The following NBAS variants were observed in gnomAD, a reference collection of about 807,000 sequenced individuals.
NBAS encodes NAG/BC035112 fusion.
A neutral mutation model predicts 302.5 loss-of-function variants in NBAS; 219 were observed. The ratio of observed to expected loss-of-function variants is 0.72; its 90% CI spans 0.65 to 0.81. The LOEUF (loss-of-function observed/expected upper bound fraction) is 0.81. NBAS is among the 30% of genes least tolerant of loss of function. The pLI is 0.00. For synonymous variants in NBAS, 1,118 were observed against 1,021.6 expected, an observed-to-expected ratio of 1.09 and a Z score of -1.80; for missense variants, 2,932 against 2,841.6, an observed-to-expected ratio of 1.03 and a Z score of -0.72.
chr2:15,185,295 T>C (rs1665023218), intron 50 of NBAS, among the ~76,000 whole-genome samples: 1 of 152,112 alleles, frequency 6.6e-6, no homozygotes, highest in African/African-American at 2.4e-5. Context: ...TGTTAGCAAA[T>C]GTTGGTTATC....
At chr2:15,504,436 A>T (rs1467695065) in intron 10 of NBAS, among the ~76,000 whole-genome samples, 1 of 152,192 alleles carries the variant, frequency 6.6e-6, no homozygotes. Flanking sequence ...CCATGATCAA[A>T]TGCTTTTTTA....
intron 19 of NBAS, among the ~76,000 whole-genome samples, chr2:15,466,985 T>C (rs747607970): frequency 6.6e-6 from 1 of 150,546 alleles, no homozygotes; most frequent in Non-Finnish European, 1.5e-5. Context: ...AATATTCACA[T>C]TAAAACCTAG....
chr2:15,232,036 T>G (rs1029645253), intron 47 of NBAS, among the ~76,000 whole-genome samples: 1 of 152,308 alleles, frequency 6.6e-6, no homozygotes, highest in African/African-American at 2.4e-5. Flanking sequence ...TACAAAGTTT[T>G]TTTGTTTTTA....
intron 19 of NBAS, among the ~76,000 whole-genome samples, chr2:15,463,090 T>C (rs1389341621): frequency 1.3e-5 from 2 of 152,082 alleles, no homozygotes; most frequent in Admixed American, 1.3e-4. Context: ...TTGGGCAAGA[T>C]GGCAAGATCT....
At chr2:15,272,221 T>A (rs1211244297) in intron 44 of NBAS, among the ~76,000 whole-genome samples, 2 of 152,228 alleles carry the variant, frequency 1.3e-5, no homozygotes, top group Admixed American at 1.3e-4. Context: ...TTGCTTATTG[T>A]TCTTGTTATG....
In NBAS at chr2:15,379,792, T is replaced by C; in HGVS notation, c.3400A>G (p.Asn1134Asp). The C allele has an allele frequency of 6.2e-7, 1 of 1,614,052 alleles. No individual in the cohort carries two copies. Among genetic ancestry groups the C allele is most frequent in the Non-Finnish European group, 8.5e-7 (1 of 1,179,988 alleles). ...ATCATCTGTCCAGCCAGGTGGATGT[T>C]TTCAAGGCGACTAGAGCACAGAAGG... ...ESLLCSSRLE[N>D]IHLAGQMMHC... Residue 1134 changes from asparagine to aspartate, a missense_variant, in exon 30 of 52, where the codon AAC (asparagine) becomes GAC (aspartate). By Grantham distance (23) the Asn-to-Asp change is conservative. Transcript: ENST00000281513.
At chr2:15,442,700 T>G (rs1232914935) in intron 21 of NBAS, among the ~76,000 whole-genome samples, 3 of 151,610 alleles carry the variant, frequency 2.0e-5, no homozygotes, top group South Asian at 4.2e-4. Context: ...TTCAAAAAAT[T>G]AATGAATCCA....
chr2:15,187,349 T>C (rs1665137517), intron 49 of NBAS, among the ~76,000 whole-genome samples: 1 of 152,174 alleles, frequency 6.6e-6, no homozygotes. Context: ...CACATTACTA[T>C]TTACTACATA....
At chr2:14,895,718 T>G in the NBAS span, among the ~76,000 whole-genome samples, 2 of 140,528 alleles carry the variant, frequency 1.4e-5, no homozygotes, top group African/African-American at 5.3e-5. Context: ...CCAGCCTGGG[T>G]GACAGAGCGA....
chr2:15,458,794 C>CA lies in NBAS; in HGVS notation c.2339+2406dup, dbSNP rs562166077. The stretch of plus-strand genomic sequence containing the variant: ...TTCATTCTCACTATTTACAACTATA[C>CA]AAAAAAACAGTGTGAAAGACTTTCT... On this transcript the variant is annotated intron_variant, in intron 21 of 51. Coordinates refer to ENST00000281513, the MANE Select transcript of NBAS (RefSeq NM_015909.4). 5.1e-3 allele frequency among the ~76,000 whole-genome samples: 775 copies of CA among 152,064 alleles called. 3 individuals are homozygous for CA. The highest frequency in any genetic ancestry group is 0.017 in the African/African-American group (689 of 41,496).
At position 15,422,526 on chromosome 2, in the gene NBAS, TA is replaced by T. The variant is rs368693661; in HGVS notation, c.2577+1788del. On this transcript the variant is annotated intron_variant, in intron 23 of 51. Transcript: ENST00000281513. Reference sequence around the variant, plus strand: ...TCCTCTAAAAAATAAAGTCTATAAATAAATAACAAAATAGTTGATTGTAAAA... The same window carrying T: ...TCCTCTAAAAAATAAAGTCTATAAATAATAACAAAATAGTTGATTGTAAAA... Among the ~76,000 whole-genome samples, 1,326 of 151,890 alleles carry T rather than the reference TA, an allele frequency of 8.7e-3. 21 individuals are homozygous for T. Among genetic ancestry groups the T allele is most frequent in the African/African-American group, 0.031 (1,273 of 41,400 alleles).
At chr2:15,450,871 A>G (rs1241333413) in intron 21 of NBAS, among the ~76,000 whole-genome samples, 1 of 152,204 alleles carries the variant, frequency 6.6e-6, no homozygotes, top group Non-Finnish European at 1.5e-5. Context: ...ATTTCACTCA[A>G]AAGAAGGTTA....
the NBAS span, among the ~76,000 whole-genome samples, chr2:14,814,212 A>T: frequency 6.6e-6 from 1 of 152,212 alleles, no homozygotes. Flanking sequence ...GAGCCCGCAC[A>T]TAGAGTCCCC....
chr2:15,129,837 G>A, the NBAS span, among the ~76,000 whole-genome samples: 89 of 152,246 alleles, frequency 5.8e-4, 2 homozygotes, highest in East Asian at 0.011. Flanking sequence ...TTCACGCACG[G>A]AGACCACACA....
chr2:14,856,091 G>C, the NBAS span, among the ~76,000 whole-genome samples: 5 of 152,180 alleles, frequency 3.3e-5, no homozygotes, highest in African/African-American at 1.2e-4. Flanking sequence ...GAAAGAGAGA[G>C]AGAGACCCCA....
chr2:15,452,519 C>T (rs1358781659), intron 21 of NBAS, among the ~76,000 whole-genome samples: 1 of 149,640 alleles, frequency 6.7e-6, no homozygotes, highest in Non-Finnish European at 1.5e-5. Context: ...ACCCAGGAGG[C>T]GGAGCTTGCA....
chr2:15,232,359 G>A (rs1234010013), intron 47 of NBAS, 63 bp downstream of exon 47: 1 of 1,484,672 alleles, frequency 6.7e-7, no homozygotes, highest in South Asian at 1.1e-5. Context: ...CGGATACTAA[G>A]AGCAATTCTA....
At chr2:14,805,909 G>A in the NBAS span, among the ~76,000 whole-genome samples, 1 of 152,048 alleles carries the variant, frequency 6.6e-6, no homozygotes. Flanking sequence ...CTCATCTCCA[G>A]TATAATGCCC....
At chr2:14,974,847 G>A in the NBAS span, among the ~76,000 whole-genome samples, 1 of 152,304 alleles carries the variant, frequency 6.6e-6, no homozygotes, top group East Asian at 1.9e-4. Context: ...CCTAAAAAGG[G>A]ATAGTTGTCT....
Sources: gnomAD v4.1 joint callset for allele counts (sites outside exome capture counted in the v4.1 genomes callset) on GRCh38, gnomAD v4.1.1 for gene constraint, MANE v1.5 for transcripts, NCBI Gene and HGNC (gene_info 2026-07-23, HGNC 2026-07-21) for gene names.